UQCC6: variants seen among roughly 807,000 people sequenced by gnomAD.
UQCC6 encodes the protein ubiquinol-cytochrome c reductase complex assembly factor 6.
chr12:103,965,201 G>T, the UQCC6 span, among the ~76,000 whole-genome samples: 1 of 152,168 alleles, frequency 6.6e-6, no homozygotes, highest in South Asian at 2.1e-4. Flanking sequence ...ACAAAAGCCA[G>T]CTGCAAGAAC....
chr12:103,955,794 T>G, the UQCC6 span: 1 of 456,010 alleles, frequency 2.2e-6, no homozygotes, highest in Non-Finnish European at 4.4e-6. Context: ...AGCACATTCT[T>G]GTAATTATTT....
At chr12:103,954,316 TA>T in the UQCC6 span, among the ~76,000 whole-genome samples, 10 of 33,542 alleles carry the variant, frequency 3.0e-4, no homozygotes, top group African/African-American at 1.1e-3. Context: ...TGAGGCTGGG[TA>T]ATTTATAAAG....
the UQCC6 span, among the ~76,000 whole-genome samples, chr12:103,957,516 C>A: frequency 4.6e-5 from 7 of 152,158 alleles, no homozygotes; most frequent in South Asian, 1.2e-3. Flanking sequence ...ACACATTGAG[C>A]ATTTGCGTGC....
At chr12:103,952,723 G>A in the UQCC6 span, among the ~76,000 whole-genome samples, 1 of 152,164 alleles carries the variant, frequency 6.6e-6, no homozygotes, top group Non-Finnish European at 1.5e-5. Context: ...GGTATGAAGT[G>A]GTATTTCACT....
At chr12:103,951,712 G>A in the UQCC6 span, 1 of 763,302 alleles carries the variant, frequency 1.3e-6, no homozygotes, top group East Asian at 2.8e-5. Context: ...AGACTTTAAA[G>A]AGTAAAAAAT....
At chr12:103,963,680 T>C in the UQCC6 span, among the ~76,000 whole-genome samples, 1 of 152,236 alleles carries the variant, frequency 6.6e-6, no homozygotes, top group Non-Finnish European at 1.5e-5. Flanking sequence ...TTTTGTCAGC[T>C]CTATCCTTAA....
chr12:103,962,359 C>T, the UQCC6 span, among the ~76,000 whole-genome samples: 430 of 151,752 alleles, frequency 2.8e-3, no homozygotes, highest in Admixed American at 5.8e-3. Context: ...AAAATATAAC[C>T]CAGGGTCATA....
At chr12:103,951,419 T>C in the UQCC6 span, 7 of 590,820 alleles carry the variant, frequency 1.2e-5, no homozygotes, top group Non-Finnish European at 1.8e-5. Context: ...GCACCTCCTC[T>C]TGCAGTTAGC....
chr12:103,951,202 A>G, the UQCC6 span: 1 of 187,952 alleles, frequency 5.3e-6, no homozygotes, highest in African/African-American at 2.3e-5. Flanking sequence ...AAACTAGTTC[A>G]TAGTTTTAAA....
chr12:103,951,692 G>C, the UQCC6 span: 1 of 919,868 alleles, frequency 1.1e-6, no homozygotes, highest in Non-Finnish European at 1.7e-6. Flanking sequence ...GTAATTCAAT[G>C]TAACCTAGAA....
chr12:103,957,608 T>A, the UQCC6 span, among the ~76,000 whole-genome samples: 1 of 152,152 alleles, frequency 6.6e-6, no homozygotes, highest in Admixed American at 6.5e-5. Context: ...CGTCTTTTGA[T>A]ACCCGAAATA....
the UQCC6 span, chr12:103,950,308 G>A: frequency 2.1e-5 from 3 of 142,486 alleles, no homozygotes; most frequent in South Asian, 2.2e-4. Flanking sequence ...CACACCCTTC[G>A]ATCAACACCT....
the UQCC6 span, among the ~76,000 whole-genome samples, chr12:103,952,481 A>G: frequency 2.6e-5 from 4 of 152,230 alleles, no homozygotes; most frequent in African/African-American, 4.8e-5. Context: ...ACTGCTCTGA[A>G]CATTCATATA....
At chr12:103,951,602 C>T in the UQCC6 span, 1 of 1,544,644 alleles carries the variant, frequency 6.5e-7, no homozygotes, top group Non-Finnish European at 8.7e-7. Context: ...TTTGAGTTCT[C>T]CACGCTTTGG....
At chr12:103,965,130 T>C in the UQCC6 span, among the ~76,000 whole-genome samples, 2 of 152,200 alleles carry the variant, frequency 1.3e-5, no homozygotes, top group South Asian at 4.1e-4. Context: ...CAAAAGCCTA[T>C]TCCATTAAGA....
At chr12:103,960,091 T>TTTCA in the UQCC6 span, among the ~76,000 whole-genome samples, 1 of 152,034 alleles carries the variant, frequency 6.6e-6, no homozygotes, top group Non-Finnish European at 1.5e-5. Flanking sequence ...TTATTTATTC[T>TTTCA]TTCATTCATT....
chr12:103,958,508 T>TATATAG, the UQCC6 span, among the ~76,000 whole-genome samples: 1 of 152,174 alleles, frequency 6.6e-6, no homozygotes, highest in Non-Finnish European at 1.5e-5. Flanking sequence ...TCTGTCACTA[T>TATATAG]AAGTTAGTTT....
chr12:103,956,989 G>A, the UQCC6 span: 1 of 515,752 alleles, frequency 1.9e-6, no homozygotes, highest in South Asian at 2.5e-5. Flanking sequence ...AGGGGCGCCG[G>A]CCTGCGTGCG....
chr12:103,957,673 A>G, the UQCC6 span, among the ~76,000 whole-genome samples: 7 of 152,150 alleles, frequency 4.6e-5, no homozygotes, highest in East Asian at 1.4e-3. Flanking sequence ...GGAAAGGGGA[A>G]ATTTGAAATC....
Sources: allele counts gnomAD v4.1 joint callset (sites outside exome capture counted in the v4.1 genomes callset), GRCh38; gene constraint gnomAD v4.1.1; transcripts MANE v1.5; gene names NCBI Gene and HGNC (gene_info 2026-07-23, HGNC 2026-07-21).